ARHGEF28: variants seen among roughly 807,000 people sequenced by gnomAD.
The protein encoded by ARHGEF28 is 190 kDa guanine nucleotide exchange factor.
In ARHGEF28, 152 loss-of-function variants were observed where a neutral mutation model predicts 206.6. That is an observed-to-expected ratio of 0.74 (90% CI 0.64 to 0.84). The LOEUF is 0.84. ARHGEF28 is among the 40% of genes least tolerant of loss of function. ARHGEF28 has a pLI of 0.00. For missense variants in ARHGEF28, 2,028 were observed against 2,073.2 expected (o/e 0.98, Z 0.42); for synonymous variants, 763 against 776.4 (o/e 0.98, Z 0.29).
rs2112075839 is a variant in ARHGEF28 at position 73,941,820 on chromosome 5, C to G, written c.*807C>G. On this transcript the variant is annotated 3_prime_UTR_variant, in exon 36 of 36. Transcript: ENST00000513042. Reference sequence around the variant, plus strand: ...TCCCTGCAGTTTTTTAAGGACAAAACTGCCCACTCCTCATTAAGTTTGCTG... The same window carrying G: ...TCCCTGCAGTTTTTTAAGGACAAAAGTGCCCACTCCTCATTAAGTTTGCTG... 6.6e-6 allele frequency: 1 copy of G among 152,292 alleles called. No individual in the cohort carries two copies. Among genetic ancestry groups the G allele is most frequent in the Non-Finnish European group, 1.5e-5 (1 of 68,026 alleles). 9.4% of individuals were successfully genotyped at this position (152,292 alleles called of 1,614,324 possible).
chr5:73,680,924 A>C (rs902490330), intron 1 of ARHGEF28, among the ~76,000 whole-genome samples: 4 of 151,978 alleles, frequency 2.6e-5, no homozygotes, highest in Admixed American at 6.6e-5. Context: ...GCTGGTCTCA[A>C]ACTCCTGGGC....
At chr5:73,654,944 G>C (rs528660065) in intron 1 of ARHGEF28, among the ~76,000 whole-genome samples, 5 of 152,212 alleles carry the variant, frequency 3.3e-5, no homozygotes, top group African/African-American at 1.2e-4. Flanking sequence ...TCTGGTCTTT[G>C]GCATGTTCTG....
intron 11 of ARHGEF28, among the ~76,000 whole-genome samples, chr5:73,845,831 C>A (rs1758302720): frequency 6.6e-6 from 1 of 151,306 alleles, no homozygotes; most frequent in Non-Finnish European, 1.5e-5. Flanking sequence ...ACACAAAAAT[C>A]ACAAAAATTG....
intron 6 of ARHGEF28, among the ~76,000 whole-genome samples, chr5:73,780,112 G>C (rs1239990792): frequency 6.6e-6 from 1 of 152,172 alleles, no homozygotes; most frequent in Non-Finnish European, 1.5e-5. Context: ...CTGTCAAAAG[G>C]AAATTCGGAT....
intron 2 of ARHGEF28, among the ~76,000 whole-genome samples, chr5:73,740,456 G>T (rs1013620309): frequency 5.3e-5 from 8 of 152,114 alleles, no homozygotes; most frequent in South Asian, 2.1e-4. Context: ...AGCAATCCTT[G>T]TCGTCTTTGG....
At chr5:73,843,802 CA>C (rs1215417499) in intron 11 of ARHGEF28, among the ~76,000 whole-genome samples, 1 of 151,952 alleles carries the variant, frequency 6.6e-6, no homozygotes, top group Non-Finnish European at 1.5e-5. Context: ...TACTATACAG[CA>C]AAAAATTAAG....
At chr5:73,896,918 G>A (rs1047331982) in intron 29 of ARHGEF28, among the ~76,000 whole-genome samples, 1 of 152,244 alleles carries the variant, frequency 6.6e-6, no homozygotes, top group African/African-American at 2.4e-5. Flanking sequence ...TGCTGCGTGA[G>A]CCGCAGTTGG....
chr5:73,742,836 A>AC (rs1751520902), intron 2 of ARHGEF28, among the ~76,000 whole-genome samples: 1 of 151,136 alleles, frequency 6.6e-6, no homozygotes, highest in African/African-American at 2.4e-5. Flanking sequence ...GTCTCAAAAA[A>AC]AAAAAAAAAA....
At chr5:73,665,316 T>C (rs1269907180) in intron 1 of ARHGEF28, among the ~76,000 whole-genome samples, 1 of 152,164 alleles carries the variant, frequency 6.6e-6, no homozygotes, top group East Asian at 1.9e-4. Context: ...TACCATTCCC[T>C]TAGTCTATTT....
At chr5:73,741,807 T>C (rs965993251) in intron 2 of ARHGEF28, among the ~76,000 whole-genome samples, 51 of 152,268 alleles carry the variant, frequency 3.3e-4, no homozygotes, top group Non-Finnish European at 3.7e-4. Context: ...TGCATTTAAT[T>C]ATGTTAATTA....
intron 13 of ARHGEF28, 117 bp downstream of exon 13, chr5:73,849,204 C>A (rs1758556237): frequency 5.3e-6 from 4 of 757,406 alleles, no homozygotes; most frequent in Non-Finnish European, 8.2e-6. Context: ...ATTCTGTTTT[C>A]ATAACTGGTT....
At chr5:73,909,992 A>C (rs1012898662) in intron 34 of ARHGEF28, 95 bp downstream of exon 34, 3 of 1,406,016 alleles carry the variant, frequency 2.1e-6, no homozygotes, top group Non-Finnish European at 2.8e-6. Flanking sequence ...GTCATTTTGG[A>C]TTTGTGTAAG....
intron 1 of ARHGEF28, among the ~76,000 whole-genome samples, chr5:73,635,809 G>T (rs1743677650): frequency 1.3e-5 from 2 of 152,220 alleles, no homozygotes; most frequent in African/African-American, 4.8e-5. Flanking sequence ...TAGAGATGTA[G>T]CAGGATTCAG....
At position 73,909,597 on chromosome 5, in the gene ARHGEF28, G is replaced by GGAGCAGCGGCGCTGGCTGCGCAGGTGT; in HGVS notation, c.4355_4381dup (p.Arg1452_Gln1460dup). 6.4e-7 allele frequency: 1 copy of GGAGCAGCGGCGCTGGCTGCGCAGGTGT among 1,556,778 alleles called. No homozygotes were observed. The highest frequency in any genetic ancestry group is 8.7e-7 in the Non-Finnish European group (1 of 1,150,620). ...ACCAGCTTCAGCACCAGCTCCAGCA[G>GGAGCAGCGGCGCTGGCTGCGCAGGTGT]GAGCAGCGGCGCTGGCTGCGCAGGT... On this transcript the variant is annotated inframe_insertion, in exon 34 of 36. Coordinates refer to ENST00000513042, the MANE Select transcript of ARHGEF28 (RefSeq NM_001177693.2).
At chr5:73,900,970 G>C (rs1251598123) in intron 30 of ARHGEF28, 1 of 461,030 alleles carries the variant, frequency 2.2e-6, no homozygotes, top group African/African-American at 2.0e-5. Flanking sequence ...CGGTTCGTCA[G>C]TTGCTGTCTG....
At chr5:73,691,402 T>C (rs1388523639) in intron 2 of ARHGEF28, among the ~76,000 whole-genome samples, 1 of 152,192 alleles carries the variant, frequency 6.6e-6, no homozygotes, top group Non-Finnish European at 1.5e-5. Context: ...ACCCCCATTT[T>C]ATAATTCCCG....
chr5:73,830,683 G>T (rs1410387184), intron 9 of ARHGEF28, among the ~76,000 whole-genome samples: 1 of 152,104 alleles, frequency 6.6e-6, no homozygotes, highest in Non-Finnish European at 1.5e-5. Flanking sequence ...AGAATCTGAA[G>T]CCAGGGCCAT....
chr5:73,929,591 G>A (rs576776500), intron 35 of ARHGEF28, among the ~76,000 whole-genome samples: 3 of 152,262 alleles, frequency 2.0e-5, no homozygotes, highest in East Asian at 1.9e-4. Context: ...TTTTAATCGT[G>A]AATATTTTTA....
intron 9 of ARHGEF28, among the ~76,000 whole-genome samples, chr5:73,822,885 C>T (rs959007909): frequency 1.3e-5 from 2 of 152,210 alleles, no homozygotes; most frequent in Non-Finnish European, 2.9e-5. Context: ...CCTTGGCCTC[C>T]CAAAGTGCTG....
Sources: allele counts gnomAD v4.1 joint callset (sites outside exome capture counted in the v4.1 genomes callset), GRCh38; gene constraint gnomAD v4.1.1; transcripts MANE v1.5; gene names NCBI Gene and HGNC (gene_info 2026-07-23, HGNC 2026-07-21).